The following MTPN variants were observed in gnomAD, a reference collection of about 807,000 sequenced individuals.
MTPN encodes myotrophin.
A neutral mutation model predicts 13.5 loss-of-function variants in MTPN; 2 were observed. The observed-to-expected ratio is 0.15, with a 90% confidence interval of 0.06 to 0.47. The LOEUF (loss-of-function observed/expected upper bound fraction) is 0.47, where lower values mean the gene tolerates loss of function less well. MTPN is among the 20% of genes least tolerant of loss of function. The probability of loss-of-function intolerance (pLI) is 0.97; values close to 1 mark genes in which losing one functional copy is unlikely to be tolerated. For synonymous variants in MTPN, 46 were observed against 51.7 expected (o/e 0.89, Z 0.48); for missense variants, 79 against 137.9 (o/e 0.57, Z 2.14).
In MTPN at chr7:135,946,782, C is replaced by G. The variant is rs1331568930; in HGVS notation, c.270+3817G>C. On this transcript the variant is annotated intron_variant, in intron 3 of 3. Transcript: ENST00000393085. ...TAATTCTAAATGACACATGATTATACAGGCTGCCTATTATTGCTTTGATAA... is the reference window on the plus strand; with the variant it reads ...TAATTCTAAATGACACATGATTATAGAGGCTGCCTATTATTGCTTTGATAA... Among the ~76,000 whole-genome samples, 3 of 152,294 alleles carry G rather than the reference C, an allele frequency of 2.0e-5. No individual in the cohort carries two copies. The East Asian group carries it at 5.8e-4, about 29-fold the overall frequency.
At chr7:135,942,251 TGAAA>T (rs1439500474) in intron 3 of MTPN, among the ~76,000 whole-genome samples, 2 of 152,158 alleles carry the variant, frequency 1.3e-5, no homozygotes, top group Non-Finnish European at 2.9e-5. Context: ...TGTCCACACT[TGAAA>T]GAAAGTTCTT....
At chr7:135,946,971 C>G (rs1457063885) in intron 3 of MTPN, among the ~76,000 whole-genome samples, 1 of 152,178 alleles carries the variant, frequency 6.6e-6, no homozygotes, top group Non-Finnish European at 1.5e-5. Flanking sequence ...CATTAATTAT[C>G]TGCCTCCTTT....
At chr7:135,956,481 C>T (rs766234771) in intron 1 of MTPN, among the ~76,000 whole-genome samples, 1 of 152,168 alleles carries the variant, frequency 6.6e-6, no homozygotes, top group Non-Finnish European at 1.5e-5. Context: ...CCACTTTCCA[C>T]AGATACTATT....
rs1020170259 is a variant in MTPN at position 135,977,205 on chromosome 7, G to T, written c.-105C>A. 5.1e-6 allele frequency: 6 copies of T among 1,166,162 alleles called. No individual in the cohort carries two copies. The highest frequency in any genetic ancestry group is 1.5e-5 in the African/African-American group (1 of 66,246). 72.2% of individuals were successfully genotyped at this position (1,166,162 alleles called of 1,614,324 possible). A position where few individuals can be genotyped will look rare whatever the true frequency, so the allele number is the denominator to read the frequency against. The stretch of plus-strand genomic sequence containing the variant: ...AGGGAGGCAGGGCCGCGCGAAGCCG[G>T]AGAGGAGAAGAAGAGAAGGAGGGTT... On this transcript the variant is annotated 5_prime_UTR_variant, in exon 1 of 4. Transcript: ENST00000393085.
chr7:135,943,077 G>A (rs572374901), intron 3 of MTPN, among the ~76,000 whole-genome samples: 1 of 152,240 alleles, frequency 6.6e-6, no homozygotes, highest in East Asian at 1.9e-4. Flanking sequence ...AATTCAGTAA[G>A]GCACTGCTGA....
chr7:135,951,240 G>A (rs890167863), intron 2 of MTPN, among the ~76,000 whole-genome samples: 1 of 152,100 alleles, frequency 6.6e-6, no homozygotes, highest in South Asian at 2.1e-4. Flanking sequence ...CACAGATAGT[G>A]CTAACTCCCC....
chr7:135,964,075 C>T (rs1034845438), intron 1 of MTPN, among the ~76,000 whole-genome samples: 2 of 151,670 alleles, frequency 1.3e-5, no homozygotes, highest in Non-Finnish European at 2.9e-5. Flanking sequence ...AAAAAATTGT[C>T]AATTTGGAAA....
chr7:135,953,398 T>TG (rs1799394294), intron 1 of MTPN, among the ~76,000 whole-genome samples: 1 of 152,186 alleles, frequency 6.6e-6, no homozygotes, highest in African/African-American at 2.4e-5. Context: ...CAGTATGATG[T>TG]GGGAGTTAAG....
intron 1 of MTPN, among the ~76,000 whole-genome samples, chr7:135,957,542 T>C (rs1799460213): frequency 6.6e-6 from 1 of 152,182 alleles, no homozygotes; most frequent in South Asian, 2.1e-4. Flanking sequence ...CCAGTTTACA[T>C]CAATAAGTTG....
intron 1 of MTPN, among the ~76,000 whole-genome samples, chr7:135,964,838 A>G (rs1584818871): frequency 6.6e-6 from 1 of 152,208 alleles, no homozygotes; most frequent in South Asian, 2.1e-4. Context: ...TAATTTTTTT[A>G]TATCTCAAAA....
chr7:135,970,488 A>G (rs1212809527), intron 1 of MTPN, among the ~76,000 whole-genome samples: 1 of 152,164 alleles, frequency 6.6e-6, no homozygotes, highest in African/African-American at 2.4e-5. Flanking sequence ...AAAAACACCT[A>G]ATCAATTTTA....
Position 135,929,846 on chromosome 7 carries a change from A to G in MTPN, c.*80T>C. 1 of 1,341,050 alleles carries G rather than the reference A, an allele frequency of 7.5e-7. No homozygotes were observed. The highest frequency in any genetic ancestry group is 1.1e-6 in the Non-Finnish European group (1 of 931,876). The allele number at this position is 1,341,050 out of a possible 1,614,324, so 83.1% of individuals were successfully genotyped here. On this transcript the variant is annotated 3_prime_UTR_variant, in exon 4 of 4. Transcript: ENST00000393085. ...AGTATTTAGCTGAAGAAGCTGGCAG[A>G]TAGAGAGTGACAGACAGACAGGCAG...
chr7:135,961,400 C>T (rs972630399), intron 1 of MTPN, among the ~76,000 whole-genome samples: 2 of 151,922 alleles, frequency 1.3e-5, no homozygotes, highest in Admixed American at 6.6e-5. Context: ...ATCACATTAA[C>T]ACCAAAAAAA....
At chr7:135,936,144 C>G (rs184343099) in intron 3 of MTPN, among the ~76,000 whole-genome samples, 1 of 152,114 alleles carries the variant, frequency 6.6e-6, no homozygotes, top group Non-Finnish European at 1.5e-5. Context: ...TTAGTCTTTG[C>G]GATCCCAAGG....
intron 1 of MTPN, among the ~76,000 whole-genome samples, chr7:135,976,071 G>T (rs150147157): frequency 0.014 from 2,184 of 152,268 alleles, 53 homozygotes; most frequent in African/African-American, 0.05. Flanking sequence ...ACTTGTTTTG[G>T]AAGATTCATT....
rs551670074 is a variant in MTPN, at chr7:135,974,435, G to A, written c.72+2594C>T. 3.5e-4 allele frequency among the ~76,000 whole-genome samples: 54 copies of A among 152,174 alleles called. No individual in the cohort carries two copies. In the South Asian group the frequency reaches 6.9e-3, roughly 19 times the overall value. On this transcript the variant is annotated intron_variant, in intron 1 of 3. Coordinates refer to ENST00000393085, the MANE Select transcript of MTPN (RefSeq NM_145808.4). ...GTACATCTATGGTCCCAGCTGCTCA[G>A]GAGGCTGAAGTTACAGTGAGCTATG...
chr7:135,930,552 A>T (rs1235499920), intron 3 of MTPN, among the ~76,000 whole-genome samples: 3 of 152,224 alleles, frequency 2.0e-5, no homozygotes, highest in Admixed American at 6.5e-5. Flanking sequence ...TTGTAGGGAA[A>T]TATTCAGTGC....
intron 3 of MTPN, among the ~76,000 whole-genome samples, chr7:135,939,768 C>T (rs1427341853): frequency 6.6e-6 from 1 of 152,060 alleles, no homozygotes; most frequent in African/African-American, 2.4e-5. Context: ...TGTAATTAAC[C>T]ATTAACAGGT....
At chr7:135,975,941 C>G (rs1276043732) in intron 1 of MTPN, among the ~76,000 whole-genome samples, 2 of 152,242 alleles carry the variant, frequency 1.3e-5, no homozygotes, top group Non-Finnish European at 2.9e-5. Context: ...TGCTTCCTAA[C>G]ACAGCCTCTG....
Sources: gnomAD v4.1 joint callset for allele counts (sites outside exome capture counted in the v4.1 genomes callset) on GRCh38, gnomAD v4.1.1 for gene constraint, MANE v1.5 for transcripts, NCBI Gene and HGNC (gene_info 2026-07-23, HGNC 2026-07-21) for gene names.